TPM1: variants seen among roughly 807,000 people sequenced by gnomAD.
TPM1 encodes tropomyosin 1.
TPM1 carries 24 observed loss-of-function variants against 42.9 expected under a neutral mutation model. The observed-to-expected ratio is 0.56, with a 90% CI of 0.41 to 0.79. The LOEUF (loss-of-function observed/expected upper bound fraction) is 0.79, where lower values mean the gene tolerates loss of function less well. Among genes scored for constraint, TPM1 ranks in the 30% least tolerant of loss-of-function variants. The pLI, the probability that TPM1 is intolerant of heterozygous loss-of-function variation, is 0.00. For synonymous variants in TPM1, 136 were observed against 130.1 expected (o/e 1.05, Z -0.31); for missense variants, 158 against 351.8 (o/e 0.45, Z 4.41).
chr15:63,066,773 T>A (rs904957366), downstream of TPM1, among the ~76,000 whole-genome samples: 5 of 152,262 alleles, frequency 3.3e-5, no homozygotes, highest in African/African-American at 1.2e-4. Flanking sequence ...TTACTCTGTT[T>A]AGTCGTGATT....
chr15:63,064,533 C>A (rs550911129), intron 9 of TPM1: 7 of 1,065,562 alleles, frequency 6.6e-6, no homozygotes, highest in African/African-American at 5.0e-5. Context: ...CTAAGTACAA[C>A]ATAATCATTT....
chr15:63,059,379 A>G (rs923738546), intron 3 of TPM1, among the ~76,000 whole-genome samples, 184 bp from the exon 4 acceptor site: 2 of 152,150 alleles, frequency 1.3e-5, no homozygotes, highest in East Asian at 1.9e-4. Flanking sequence ...ACAGAGAGAA[A>G]TGTGTCTCTT....
intron 2 of TPM1, chr15:63,055,828 A>G (rs780080812): frequency 6.6e-5 from 10 of 152,272 alleles, no homozygotes; most frequent in South Asian, 6.2e-4. Flanking sequence ...GCAAGTGTGT[A>G]TAATGGACCA....
chr15:63,062,382 G>A, intron 7 of TPM1, 105 bp downstream of exon 7: 1 of 1,360,810 alleles, frequency 7.3e-7, no homozygotes, highest in Non-Finnish European at 1.0e-6. Context: ...TCCAAGTCAG[G>A]AATATTCAAA....
chr15:63,069,813 T>C (rs2036503904), downstream of TPM1: 4 of 1,611,190 alleles, frequency 2.5e-6, no homozygotes, highest in African/African-American at 2.7e-5. Context: ...TCACCAAGTC[T>C]GCTAACCTGT....
intron 7 of TPM1, 47 bp downstream of exon 7, chr15:63,062,324 TG>T: frequency 6.4e-7 from 1 of 1,574,304 alleles, no homozygotes; most frequent in Non-Finnish European, 8.7e-7. Context: ...TAAATGAGTT[TG>T]TTTTCATGGA....
chr15:63,056,826 G>A (rs1432936636), intron 2 of TPM1, 159 bp from the exon 3 acceptor site: 14 of 908,360 alleles, frequency 1.5e-5, no homozygotes, highest in Middle Eastern at 2.2e-4. Context: ...AAATGTGTCC[G>A]AGAACTCCAG....
At chr15:63,043,684 G>A in intron 1 of TPM1, 1 of 1,540,898 alleles carries the variant, frequency 6.5e-7, no homozygotes, top group South Asian at 1.2e-5. Context: ...GGCCGCCCGC[G>A]CCCGCCCGCC....
At chr15:63,059,742 G>A in intron 4 of TPM1, 62 bp downstream of exon 4, 2 of 1,205,826 alleles carry the variant, frequency 1.7e-6, no homozygotes, top group Non-Finnish European at 2.4e-6. Context: ...AAGCCAGGGA[G>A]CAATGTACAG....
At position 63,065,906 on chromosome 15, in the gene TPM1, T is replaced by C. The variant is rs1379520268; in HGVS notation, c.*7T>C. On this transcript the variant is annotated 3_prime_UTR_variant, in exon 10 of 10. Transcript: ENST00000403994. ...TTTATCTTCACGCAGATAAGTTTCTTTGCTTCACTTCTCCCAAGACTCCCT... is the reference window on the plus strand; with the variant it reads ...TTTATCTTCACGCAGATAAGTTTCTCTGCTTCACTTCTCCCAAGACTCCCT... 1.1e-5 allele frequency: 17 copies of C among 1,611,378 alleles called. No homozygotes were observed. The highest frequency in any genetic ancestry group is 1.4e-5 in the Non-Finnish European group (16 of 1,179,164).
At chr15:63,061,192 T>C (rs1734781643) in intron 5 of TPM1, 1 of 1,614,150 alleles carries the variant, frequency 6.2e-7, no homozygotes, top group Non-Finnish European at 8.5e-7. Flanking sequence ...CTGTGTCCAC[T>C]AACAGCCAAG....
intron 8 of TPM1, 74 bp from the exon 9 acceptor site, chr15:63,063,990 C>T (rs2035985387): frequency 1.3e-6 from 2 of 1,592,160 alleles, no homozygotes; most frequent in African/African-American, 1.3e-5. Context: ...GTGCGCGCAC[C>T]ACCCTCACTC....
chr15:63,064,691 C>T (rs925380024), intron 9 of TPM1: 31 of 991,932 alleles, frequency 3.1e-5, no homozygotes, highest in South Asian at 4.5e-5. Flanking sequence ...GTAGGCCGGG[C>T]ACAGTGGCTC....
intron 2 of TPM1, among the ~76,000 whole-genome samples, chr15:63,050,158 C>T (rs1328146490): frequency 6.6e-6 from 1 of 152,140 alleles, no homozygotes; most frequent in Non-Finnish European, 1.5e-5. Flanking sequence ...GCTGTGTGCC[C>T]GCTGTCATTA....
chr15:63,063,169 G>C, intron 8 of TPM1: 3 of 985,242 alleles, frequency 3.0e-6, no homozygotes, highest in Non-Finnish European at 3.6e-6. Flanking sequence ...AGGCACTTAG[G>C]TTTTATTTTA....
chr15:63,047,273 A>T (rs569685298), intron 2 of TPM1: 19 of 152,394 alleles, frequency 1.2e-4, no homozygotes, highest in African/African-American at 4.1e-4. Flanking sequence ...GGAAAGCAAA[A>T]GTTCCTTGTT....
In TPM1 at chr15:63,065,915, T is replaced by C; in HGVS notation, c.*16T>C. 1.2e-6 allele frequency: 2 copies of C among 1,611,572 alleles called. No homozygotes were observed. The highest frequency in any genetic ancestry group is 1.7e-6 in the Non-Finnish European group (2 of 1,179,144). ...ACGCAGATAAGTTTCTTTGCTTCAC[T>C]TCTCCCAAGACTCCCTCGTCGAGCT... is the stretch of plus-strand genomic sequence containing the variant. On this transcript the variant is annotated 3_prime_UTR_variant, in exon 10 of 10. Transcript: ENST00000403994.
At chr15:63,043,915 T>C (rs1453482200) in intron 1 of TPM1, 112 bp from the exon 2 acceptor site, 4 of 1,553,840 alleles carry the variant, frequency 2.6e-6, no homozygotes, top group African/African-American at 2.7e-5. Context: ...TTTCCCTCTG[T>C]CTCTCCCGCT....
intron 2 of TPM1, 53 bp downstream of exon 2, chr15:63,044,205 G>A (rs2031892498): frequency 6.2e-7 from 1 of 1,613,678 alleles, no homozygotes; most frequent in Admixed American, 1.7e-5. Context: ...TGGCCACTCC[G>A]GGGTCACCAC....
Sources: allele counts gnomAD v4.1 joint callset (sites outside exome capture counted in the v4.1 genomes callset), GRCh38; gene constraint gnomAD v4.1.1; transcripts MANE v1.5; gene names NCBI Gene and HGNC (gene_info 2026-07-23, HGNC 2026-07-21).